FHIT: variants seen among roughly 807,000 people sequenced by gnomAD.
The protein encoded by FHIT is fragile histidine triad diadenosine triphosphatase, also known as bis(5'-adenosyl)-triphosphatase.
A neutral mutation model predicts 17.9 loss-of-function variants in FHIT; 19 were observed. That is an observed-to-expected ratio of 1.06 (90% confidence interval 0.74 to 1.56). The LOEUF is 1.56. Among genes scored for constraint, FHIT ranks in the 40% most tolerant of loss-of-function variants. FHIT has a pLI of 0.00. For missense variants in FHIT, 248 were observed against 189.2 expected (o/e 1.31, Z -1.82); for synonymous variants, 81 against 69.7 (o/e 1.16, Z -0.81).
intron 7 of FHIT, among the ~76,000 whole-genome samples, chr3:59,938,019 A>G (rs1312025216): frequency 6.6e-6 from 1 of 152,126 alleles, no homozygotes; most frequent in Non-Finnish European, 1.5e-5. Flanking sequence ...TGGAGCTGCA[A>G]CTTTTTGCAA....
intron 5 of FHIT, among the ~76,000 whole-genome samples, chr3:60,450,667 G>A (rs1305668091): frequency 2.0e-5 from 3 of 152,116 alleles, no homozygotes; most frequent in African/African-American, 4.8e-5. Flanking sequence ...CCAGCACTGG[G>A]TTAAGTGGGG....
chr3:60,905,762 G>A (rs1706375988), intron 3 of FHIT, among the ~76,000 whole-genome samples: 1 of 152,194 alleles, frequency 6.6e-6, no homozygotes, highest in African/African-American at 2.4e-5. Flanking sequence ...TAAAAAGGAA[G>A]CGTATGTATA....
intron 3 of FHIT, among the ~76,000 whole-genome samples, chr3:60,960,220 G>A (rs560685400): frequency 2.4e-4 from 37 of 152,180 alleles, no homozygotes; most frequent in Non-Finnish European, 4.1e-4. Context: ...GGTCTCCAAC[G>A]TCAGCAGGAA....
At chr3:61,014,766 C>T (rs1202010574) in intron 3 of FHIT, among the ~76,000 whole-genome samples, 6 of 101,374 alleles carry the variant, frequency 5.9e-5, no homozygotes, top group South Asian at 3.3e-4. Context: ...GGTGACAGAG[C>T]GAGACTCTGC....
At chr3:61,075,127 C>T (rs1443103677) in intron 2 of FHIT, among the ~76,000 whole-genome samples, 1 of 152,086 alleles carries the variant, frequency 6.6e-6, no homozygotes, top group Non-Finnish European at 1.5e-5. Context: ...TAGCCCCTGG[C>T]TAAACTCCTT....
chr3:60,592,480 T>C (rs1225504488), intron 4 of FHIT, among the ~76,000 whole-genome samples: 2 of 152,098 alleles, frequency 1.3e-5, no homozygotes, highest in Non-Finnish European at 2.9e-5. Flanking sequence ...GTCTGGCCAC[T>C]GGCACCGTGG....
chr3:60,721,784 T>C (rs2041814801), intron 4 of FHIT, among the ~76,000 whole-genome samples: 2 of 151,986 alleles, frequency 1.3e-5, no homozygotes, highest in Admixed American at 1.3e-4. Flanking sequence ...GATCCACAAA[T>C]GAAAGGCACT....
intron 5 of FHIT, among the ~76,000 whole-genome samples, chr3:60,238,877 G>C (rs1043450316): frequency 6.6e-6 from 1 of 152,156 alleles, no homozygotes; most frequent in Admixed American, 6.5e-5. Flanking sequence ...AAGTACAAAT[G>C]CATTAGGAAT....
At chr3:60,366,025 C>A (rs191075316) in intron 5 of FHIT, among the ~76,000 whole-genome samples, 2 of 152,224 alleles carry the variant, frequency 1.3e-5, no homozygotes, top group Non-Finnish European at 2.9e-5. Flanking sequence ...ATATGCCTGA[C>A]TATAATAATA....
At chr3:61,003,210 C>A (rs1223965812) in intron 3 of FHIT, among the ~76,000 whole-genome samples, 1 of 152,120 alleles carries the variant, frequency 6.6e-6, no homozygotes, top group African/African-American at 2.4e-5. Context: ...CCATTGAGAC[C>A]CATACCATTT....
chr3:60,089,372 G>A (rs1703633782), intron 5 of FHIT, among the ~76,000 whole-genome samples: 1 of 152,054 alleles, frequency 6.6e-6, no homozygotes. Context: ...TTCTGTGGGG[G>A]AAGGAACCAT....
At chr3:61,004,191 A>G (rs532905306) in intron 3 of FHIT, among the ~76,000 whole-genome samples, 1 of 152,298 alleles carries the variant, frequency 6.6e-6, no homozygotes, top group South Asian at 2.1e-4. Context: ...AAAGTTCTGA[A>G]TATCTGTTGA....
intron 8 of FHIT, among the ~76,000 whole-genome samples, chr3:59,815,664 C>T (rs1359319699): frequency 6.6e-6 from 1 of 151,982 alleles, no homozygotes; most frequent in Non-Finnish European, 1.5e-5. Flanking sequence ...TATGTCCTCA[C>T]TTATAAGTGG....
At chr3:59,905,426 T>C (rs1474626762) in intron 8 of FHIT, among the ~76,000 whole-genome samples, 1 of 152,194 alleles carries the variant, frequency 6.6e-6, no homozygotes, top group Admixed American at 6.5e-5. Flanking sequence ...TGCACTCTGT[T>C]ATCAGATAAA....
intron 4 of FHIT, among the ~76,000 whole-genome samples, chr3:60,701,311 C>T (rs1231626512): frequency 6.6e-6 from 1 of 151,820 alleles, no homozygotes; most frequent in Non-Finnish European, 1.5e-5. Flanking sequence ...TTGCCTACTG[C>T]CTAGACAGAG....
intron 2 of FHIT, among the ~76,000 whole-genome samples, chr3:61,140,973 A>G (rs2037064657): frequency 6.6e-6 from 1 of 152,258 alleles, no homozygotes. Flanking sequence ...AAGAAGAAAC[A>G]GAATGCATGT....
At chr3:60,914,089 G>A (rs183880474) in intron 3 of FHIT, among the ~76,000 whole-genome samples, 59 of 152,280 alleles carry the variant, frequency 3.9e-4, no homozygotes, top group Admixed American at 7.2e-4. Flanking sequence ...AACAGTTTTT[G>A]CAGACAAGCT....
chr3:60,410,951 T>C (rs1702037628), intron 5 of FHIT, among the ~76,000 whole-genome samples: 1 of 152,164 alleles, frequency 6.6e-6, no homozygotes, highest in African/African-American at 2.4e-5. Flanking sequence ...TACTTTCTTC[T>C]TGACCATTAA....
chr3:60,164,366 A>G (rs558448600), intron 5 of FHIT, among the ~76,000 whole-genome samples: 1 of 152,224 alleles, frequency 6.6e-6, no homozygotes, highest in Non-Finnish European at 1.5e-5. Context: ...AAGTATTGCC[A>G]TGCAGCCATG....
Sources: gnomAD v4.1 joint callset for allele counts (sites outside exome capture counted in the v4.1 genomes callset) on GRCh38, gnomAD v4.1.1 for gene constraint, MANE v1.5 for transcripts, NCBI Gene and HGNC (gene_info 2026-07-23, HGNC 2026-07-21) for gene names.